DDHD1: variants seen among roughly 807,000 people sequenced by gnomAD.
The protein encoded by DDHD1 is DDHD domain containing 1, also known as phospholipase DDHD1.
DDHD1 carries 49 observed loss-of-function variants against 96.4 expected under a neutral mutation model. The observed-to-expected ratio is 0.51, with a 90% CI of 0.40 to 0.64. The LOEUF (loss-of-function observed/expected upper bound fraction) is 0.64. DDHD1 is among the 30% of genes least tolerant of loss of function. The probability of loss-of-function intolerance (pLI) is 0.00; values close to 1 mark genes in which losing one functional copy is unlikely to be tolerated. For missense variants in DDHD1, 1,106 were observed against 1,161.2 expected, an observed-to-expected ratio of 0.95 and a Z score of 0.69; for synonymous variants, 442 against 446.5, an observed-to-expected ratio of 0.99 and a Z score of 0.13.
chr14:53,092,384 TAA>T (rs3037081), intron 3 of DDHD1: 18,065 of 152,188 alleles, frequency 0.12, 1,139 homozygotes, highest in Middle Eastern at 0.16. Flanking sequence ...CTAATAAACA[TAA>T]AAAGATATTC....
At chr14:53,097,298 G>C (rs138070621) in intron 2 of DDHD1, among the ~76,000 whole-genome samples, 2 of 151,946 alleles carry the variant, frequency 1.3e-5, no homozygotes, top group Non-Finnish European at 2.9e-5. Context: ...AAAGATTTGT[G>C]TAATAAAAGT....
intron 2 of DDHD1, among the ~76,000 whole-genome samples, chr14:53,094,332 C>G (rs528423943): frequency 2.0e-5 from 3 of 152,286 alleles, no homozygotes; most frequent in South Asian, 4.1e-4. Flanking sequence ...TATTGCTCAT[C>G]ATAGCAGAAA....
chr14:53,084,935 T>C (rs1204206845), intron 4 of DDHD1, among the ~76,000 whole-genome samples: 1 of 152,226 alleles, frequency 6.6e-6, no homozygotes, highest in African/African-American at 2.4e-5. Flanking sequence ...TACTGTGCTT[T>C]TCCAATGGTC....
chr14:53,101,707 C>A (rs1156527861), intron 2 of DDHD1, among the ~76,000 whole-genome samples: 1 of 151,982 alleles, frequency 6.6e-6, no homozygotes, highest in African/African-American at 2.4e-5. Flanking sequence ...CACAAATAAA[C>A]CATCTTCTTA....
rs1283461134 is a variant in DDHD1, at chr14:53,043,448, A to C, written c.*3320T>G. On this transcript the variant is annotated 3_prime_UTR_variant, in exon 13 of 13. Coordinates refer to ENST00000673822, the MANE Select transcript of DDHD1 (RefSeq NM_001160148.2). ...AAATACATACTTTTTTTTTTTGGAT[A>C]CAGTGTCCAGCTCTGTCACCCAAGG... 1 of 149,758 alleles carries C rather than the reference A, an allele frequency of 6.7e-6. No individual in the cohort carries two copies. Among genetic ancestry groups the C allele is most frequent in the Non-Finnish European group, 1.5e-5 (1 of 67,652 alleles). 9.3% of individuals were successfully genotyped at this position (149,758 alleles called of 1,614,324 possible).
rs774491507 is a variant in DDHD1, at chr14:53,046,719, C to T, written c.*49G>A. 1.1e-5 allele frequency: 14 copies of T among 1,273,074 alleles called. No individual in the cohort carries two copies. The highest frequency in any genetic ancestry group is 6.3e-5 in the African/African-American group (4 of 63,520). 78.9% of individuals were successfully genotyped at this position (1,273,074 alleles called of 1,614,324 possible). Reference sequence around the variant, plus strand: ...CCGTATCTTGACACACACATTTTAACGGAAAAAAAAAAAATCAGTTTTAGG... The same window carrying T: ...CCGTATCTTGACACACACATTTTAATGGAAAAAAAAAAAATCAGTTTTAGG... On this transcript the variant is annotated 3_prime_UTR_variant, in exon 13 of 13. Coordinates refer to ENST00000673822, the MANE Select transcript of DDHD1 (RefSeq NM_001160148.2).
chr14:53,140,847 C>G (rs1890594548), intron 1 of DDHD1, among the ~76,000 whole-genome samples: 1 of 152,050 alleles, frequency 6.6e-6, no homozygotes, highest in African/African-American at 2.4e-5. Context: ...AAGACACATA[C>G]AGGTTTAAAA....
chr14:53,100,808 G>A (rs1378549616), intron 2 of DDHD1, among the ~76,000 whole-genome samples: 2 of 152,128 alleles, frequency 1.3e-5, no homozygotes, highest in Non-Finnish European at 2.9e-5. Flanking sequence ...ATTAAATGAG[G>A]TTTTTCCAGA....
intron 2 of DDHD1, among the ~76,000 whole-genome samples, chr14:53,094,968 G>C (rs1470541419): frequency 6.6e-6 from 1 of 152,158 alleles, no homozygotes; most frequent in Non-Finnish European, 1.5e-5. Context: ...CCAGGAGCCA[G>C]GGAATGTGTC....
rs1313388402 is a variant in DDHD1, at chr14:53,054,615, C to T, written c.2260G>A (p.Gly754Arg). The change falls in exon 11 of 13, where the codon GGA (glycine) becomes AGA (arginine). Residue 754 changes from glycine to arginine, a missense_variant. By Grantham distance (125) the Gly-to-Arg change is moderately radical. Around this residue, in one of 2 missense-constraint regions of DDHD1, gnomAD observed 650 missense variants for 758.8 expected, o/e 0.86. Coordinates refer to ENST00000673822, the MANE Select transcript of DDHD1 (RefSeq NM_001160148.2). Reference sequence around the variant, plus strand: ...AACAACATTCCTCCAAGTCCCTTTCCAATGCTAGCAGCCCCTGTATTTCAC... The same window carrying T: ...AACAACATTCCTCCAAGTCCCTTTCTAATGCTAGCAGCCCCTGTATTTCAC... ...KASILGAASI[G>R]KGLGGMLFSR... 2 of 1,613,816 alleles carry T rather than the reference C, an allele frequency of 1.2e-6. No homozygotes were observed. Among genetic ancestry groups the T allele is most frequent in the Non-Finnish European group, 1.7e-6 (2 of 1,179,784 alleles).
chr14:53,081,069 A>C (rs1446954715), intron 4 of DDHD1, among the ~76,000 whole-genome samples: 1 of 152,156 alleles, frequency 6.6e-6, no homozygotes, highest in Non-Finnish European at 1.5e-5. Context: ...ATGTTTATTG[A>C]CTGCATATCC....
At chr14:53,075,428 C>G (rs1884871687) in intron 4 of DDHD1, among the ~76,000 whole-genome samples, 1 of 152,134 alleles carries the variant, frequency 6.6e-6, no homozygotes, top group Non-Finnish European at 1.5e-5. Flanking sequence ...CCAGAGCAAG[C>G]CTTAACTCTT....
chr14:53,112,488 G>A (rs1888186336), intron 1 of DDHD1, among the ~76,000 whole-genome samples: 1 of 151,316 alleles, frequency 6.6e-6, no homozygotes, highest in Non-Finnish European at 1.5e-5. Context: ...CTATATCAAA[G>A]CCTTTTCAAA....
chr14:53,130,338 T>C (rs1202825260), intron 1 of DDHD1, among the ~76,000 whole-genome samples: 1 of 152,164 alleles, frequency 6.6e-6, no homozygotes, highest in Non-Finnish European at 1.5e-5. Context: ...CCAAATCAGT[T>C]AGCATTTGGA....
At position 53,110,750 on chromosome 14, in the gene DDHD1, C is replaced by T. The variant is rs570580652; in HGVS notation, c.839-6894G>A. Among the ~76,000 whole-genome samples the T allele has an allele frequency of 4.6e-3, 704 of 152,040 alleles. 2 individuals carry two copies. Among genetic ancestry groups the T allele is most frequent in the Middle Eastern group, 0.017 (5 of 292 alleles). ...CAGCACTTAAGGACGCTGAGGTGGGCGGATCATCTGAGGTCACGAGTTCGA... is the reference window on the plus strand; with the variant it reads ...CAGCACTTAAGGACGCTGAGGTGGGTGGATCATCTGAGGTCACGAGTTCGA... On this transcript the variant is annotated intron_variant, in intron 1 of 12. Transcript: ENST00000673822.
At chr14:53,052,317 A>G (rs1300142826) in intron 11 of DDHD1, among the ~76,000 whole-genome samples, 1 of 152,214 alleles carries the variant, frequency 6.6e-6, no homozygotes, top group East Asian at 1.9e-4. Context: ...TCAATTGACA[A>G]CACTAGTTCT....
At chr14:53,106,291 A>G (rs1887682676) in intron 1 of DDHD1, among the ~76,000 whole-genome samples, 1 of 152,184 alleles carries the variant, frequency 6.6e-6, no homozygotes, top group African/African-American at 2.4e-5. Context: ...CTGATACTCT[A>G]AAGACAGGTT....
intron 1 of DDHD1, among the ~76,000 whole-genome samples, chr14:53,123,045 T>C (rs527482594): frequency 5.3e-5 from 8 of 151,692 alleles, no homozygotes; most frequent in Non-Finnish European, 8.8e-5. Flanking sequence ...AAACAGTCTA[T>C]TCCTAAGTAT....
At chr14:53,089,478 T>C (rs545564749) in intron 4 of DDHD1, among the ~76,000 whole-genome samples, 91 of 152,216 alleles carry the variant, frequency 6.0e-4, no homozygotes, top group African/African-American at 2.1e-3. Context: ...TATACACCAA[T>C]GGAACAGAAC....
Sources: allele counts gnomAD v4.1 joint callset (sites outside exome capture counted in the v4.1 genomes callset), GRCh38; gene constraint gnomAD v4.1.1; regional missense constraint gnomAD v4.1.1; transcripts MANE v1.5; gene names NCBI Gene and HGNC (gene_info 2026-07-23, HGNC 2026-07-21).